CPNE9: variants seen among roughly 807,000 people sequenced by gnomAD.
CPNE9 encodes the protein copine-9.
In CPNE9, 59 loss-of-function variants were observed where a neutral mutation model predicts 83.0. The observed-to-expected ratio is 0.71, with a 90% CI of 0.58 to 0.88. The LOEUF (loss-of-function observed/expected upper bound fraction) is 0.88. Among genes scored for constraint, CPNE9 ranks in the 40% least tolerant of loss-of-function variants. CPNE9 has a pLI of 0.00. For missense variants in CPNE9, 619 were observed against 720.8 expected, an observed-to-expected ratio of 0.86 and a Z score of 1.62; for synonymous variants, 256 against 273.4, an observed-to-expected ratio of 0.94 and a Z score of 0.63.
At chr3:9,728,667 GAA>G (rs1456353793) in intron 20 of CPNE9, among the ~76,000 whole-genome samples, 1 of 151,972 alleles carries the variant, frequency 6.6e-6, no homozygotes, top group African/African-American at 2.4e-5. Flanking sequence ...ATAATTTTTT[GAA>G]AAGAGGTCAT....
At chr3:9,721,484 GCAGTGAGAACC>G (rs1172995815) in intron 17 of CPNE9, among the ~76,000 whole-genome samples, 7 of 152,160 alleles carry the variant, frequency 4.6e-5, no homozygotes, top group African/African-American at 1.7e-4. Context: ...AGCAGATCAT[GCAGTGAGAACC>G]CACTTAGAGG....
rs201448136 is a variant in CPNE9, at chr3:9,706,082, G to T, written c.377+19G>T. 1.9e-6 allele frequency: 3 copies of T among 1,611,864 alleles called. No individual in the cohort carries two copies. Among genetic ancestry groups the T allele is most frequent in the Non-Finnish European group, 2.5e-6 (3 of 1,179,122 alleles). ...CCCTCACGTAAGCTGAATAGGAAGGGGTGTGGGAGTGGGGTGGGGGCTTCC... is the reference window on the plus strand; with the variant it reads ...CCCTCACGTAAGCTGAATAGGAAGGTGTGTGGGAGTGGGGTGGGGGCTTCC... On this transcript the variant is annotated intron_variant, in intron 7 of 20. Transcript: ENST00000383832.
chr3:9,727,215 G>C, intron 20 of CPNE9, 29 bp downstream of exon 20: 1 of 1,613,042 alleles, frequency 6.2e-7, no homozygotes, highest in Non-Finnish European at 8.5e-7. Context: ...AGGCTGTGGA[G>C]CTGAGAGGCA....
rs1377429641 is a variant in CPNE9, at chr3:9,704,174, G to T, written c.68+110G>T. ...AGACCCCCGGGGAGAGGCGAAATTG[G>T]CTGGAAAATCACAGCTGATGACAGG... On this transcript the variant is annotated intron_variant, in intron 1 of 20. Transcript: ENST00000383832. The surrounding 1 kb of genome is among the most constrained non-coding windows in gnomAD (Gnocchi z 7.1). 9.5e-7 allele frequency: 1 copy of T among 1,051,796 alleles called. No individual in the cohort carries two copies. The highest frequency in any genetic ancestry group is 1.4e-6 in the Non-Finnish European group (1 of 724,470). 65.2% of individuals were successfully genotyped at this position (1,051,796 alleles called of 1,614,324 possible).
intron 7 of CPNE9, among the ~76,000 whole-genome samples, chr3:9,708,247 C>A (rs1385450649): frequency 6.6e-6 from 1 of 152,164 alleles, no homozygotes; most frequent in African/African-American, 2.4e-5. Context: ...CCACTGAGCC[C>A]GGCCTTAGAT....
chr3:9,724,275 G>A (rs1036333774), intron 17 of CPNE9, among the ~76,000 whole-genome samples: 10 of 151,574 alleles, frequency 6.6e-5, no homozygotes, highest in African/African-American at 2.4e-4. Flanking sequence ...AAAAATCTTG[G>A]CTTCAAAGAC....
chr3:9,712,557 A>C lies in CPNE9; in HGVS notation c.394A>C (p.Lys132Gln), dbSNP rs1350397317. Residue 132 changes from lysine to glutamine, a missense_variant, in exon 8 of 21, where the codon AAG (lysine) becomes CAG (glutamine). By Grantham distance (53) the Lys-to-Gln change is moderately conservative. Coordinates refer to ENST00000383832, the MANE Select transcript of CPNE9 (RefSeq NM_153635.3). ...TGCTTCCAGGGGTGTACCAGGCAAG[A>C]AGTGTGGGACCATATTGCTGACTGC... is the stretch of plus-strand genomic sequence containing the variant. ...ERTLTGVPGKKCGTILLTAEE... is the reference protein window; with the variant it reads ...ERTLTGVPGKQCGTILLTAEE... 3.1e-6 allele frequency: 5 copies of C among 1,614,024 alleles called. No individual in the cohort carries two copies.
At chr3:9,719,042 G>C (rs930417768) in intron 17 of CPNE9, among the ~76,000 whole-genome samples, 8 of 151,528 alleles carry the variant, frequency 5.3e-5, no homozygotes, top group African/African-American at 1.9e-4. Context: ...TCACCATGTT[G>C]GCCAGGCTGG....
At chr3:9,705,961 T>A (rs2076559896) in intron 6 of CPNE9, 26 bp from the exon 7 acceptor site, 1 of 1,610,412 alleles carries the variant, frequency 6.2e-7, no homozygotes. Context: ...GAGCTTCTGG[T>A]CTTGCTGACT....
chr3:9,714,884 C>A, intron 10 of CPNE9, 30 bp from the exon 11 acceptor site: 1 of 1,601,196 alleles, frequency 6.2e-7, no homozygotes, highest in Non-Finnish European at 8.6e-7. Flanking sequence ...ATCATACACA[C>A]CTAGGGTATG....
At chr3:9,708,602 G>A (rs899361210) in intron 7 of CPNE9, among the ~76,000 whole-genome samples, 1 of 152,214 alleles carries the variant, frequency 6.6e-6, no homozygotes, top group African/African-American at 2.4e-5. Context: ...AGGAGAGGTG[G>A]AGGTGAAGAC....
At chr3:9,710,595 TG>T (rs1317110563) in intron 7 of CPNE9, among the ~76,000 whole-genome samples, 1 of 152,250 alleles carries the variant, frequency 6.6e-6, no homozygotes, top group Admixed American at 6.5e-5. Flanking sequence ...TCTTGAAGTC[TG>T]CATCATGCAT....
chr3:9,714,370 A>G (rs2076658273), intron 10 of CPNE9, among the ~76,000 whole-genome samples: 1 of 152,186 alleles, frequency 6.6e-6, no homozygotes, highest in Non-Finnish European at 1.5e-5. Context: ...ATGGGCTGAT[A>G]TACTGATAGG....
intron 20 of CPNE9, among the ~76,000 whole-genome samples, chr3:9,729,091 G>A (rs2076808063): frequency 6.6e-6 from 1 of 152,154 alleles, no homozygotes. Flanking sequence ...GGTGGGAGGG[G>A]GGAGCTTCAA....
At chr3:9,709,143 G>A (rs896234633) in intron 7 of CPNE9, among the ~76,000 whole-genome samples, 1 of 150,074 alleles carries the variant, frequency 6.7e-6, no homozygotes, top group South Asian at 2.1e-4. Context: ...GGGAGTGGTG[G>A]CGCACGCTTG....
chr3:9,709,461 C>T (rs551991975), intron 7 of CPNE9, among the ~76,000 whole-genome samples: 7 of 149,340 alleles, frequency 4.7e-5, no homozygotes, highest in African/African-American at 1.7e-4. Context: ...CTCTGCTGCC[C>T]GGGTTCAAGC....
intron 11 of CPNE9, 61 bp from the exon 12 acceptor site, chr3:9,715,228 G>A: frequency 6.5e-7 from 1 of 1,548,266 alleles, no homozygotes; most frequent in Non-Finnish European, 8.9e-7. Flanking sequence ...TAAAAGACTG[G>A]GTTCAGCTCT....
chr3:9,724,928 T>C (rs1316950287), intron 17 of CPNE9, among the ~76,000 whole-genome samples: 3 of 152,058 alleles, frequency 2.0e-5, no homozygotes, highest in Non-Finnish European at 4.4e-5. Context: ...GGCTAGTTTT[T>C]GTATTTTTCA....
intron 17 of CPNE9, among the ~76,000 whole-genome samples, chr3:9,721,922 A>T (rs2076737408): frequency 1.3e-5 from 2 of 149,842 alleles, no homozygotes; most frequent in Non-Finnish European, 3.0e-5. Context: ...TTTTGTTTTT[A>T]GTTTTTTTTT....
Sources: gnomAD v4.1 joint callset for allele counts (sites outside exome capture counted in the v4.1 genomes callset) on GRCh38, gnomAD v4.1.1 for gene constraint, Gnocchi (gnomAD v3.1) non-coding constraint, MANE v1.5 for transcripts, NCBI Gene and HGNC (gene_info 2026-07-23, HGNC 2026-07-21) for gene names.